Variants in LHFPL2 observed in about 807,000 individuals in gnomAD.
LHFPL2 encodes the protein LHFPL tetraspan subfamily member 2.
In LHFPL2, 7 loss-of-function variants were observed where a neutral mutation model predicts 17.5. The observed-to-expected ratio is 0.40, with a 90% CI of 0.23 to 0.75. The LOEUF is 0.75. Among genes scored for constraint, LHFPL2 ranks in the 30% least tolerant of loss-of-function variants. LHFPL2 has a pLI of 0.37. For missense variants in LHFPL2, 241 were observed against 294.8 expected, an observed-to-expected ratio of 0.82 and a Z score of 1.34; for synonymous variants, 134 against 116.2, an observed-to-expected ratio of 1.15 and a Z score of -0.99.
At chr5:78,617,427 C>T (rs953774021) in intron 2 of LHFPL2, among the ~76,000 whole-genome samples, 1 of 152,158 alleles carries the variant, frequency 6.6e-6, no homozygotes, top group African/African-American at 2.4e-5. Context: ...TATTTTTCCA[C>T]TCTCACCAGC....
At chr5:78,554,163 A>G (rs529776960) in intron 3 of LHFPL2, among the ~76,000 whole-genome samples, 1 of 152,388 alleles carries the variant, frequency 6.6e-6, no homozygotes, top group African/African-American at 2.4e-5. Context: ...ATCAGTGTTG[A>G]AAACTTACGA....
chr5:78,569,797 G>A (rs1055562102), intron 2 of LHFPL2, among the ~76,000 whole-genome samples: 17 of 152,060 alleles, frequency 1.1e-4, no homozygotes, highest in East Asian at 5.8e-4. Flanking sequence ...AAGACCTCGC[G>A]GACTCTAAGC....
chr5:78,571,517 G>C (rs1756999550), intron 2 of LHFPL2, among the ~76,000 whole-genome samples: 1 of 152,068 alleles, frequency 6.6e-6, no homozygotes, highest in South Asian at 2.1e-4. Context: ...CCTGTTTCAA[G>C]TCCATCCACT....
chr5:78,545,568 C>A (rs866947943), intron 3 of LHFPL2, among the ~76,000 whole-genome samples: 1 of 152,212 alleles, frequency 6.6e-6, no homozygotes, highest in African/African-American at 2.4e-5. Context: ...CTCCATGAGA[C>A]GAACTCACTA....
At chr5:78,571,084 G>A (rs1378912417) in intron 2 of LHFPL2, among the ~76,000 whole-genome samples, 2 of 152,128 alleles carry the variant, frequency 1.3e-5, no homozygotes, top group Non-Finnish European at 2.9e-5. Flanking sequence ...GTTCCTTCTC[G>A]CATCTTTCCT....
chr5:78,505,474 G>A (rs1754905034), intron 4 of LHFPL2, among the ~76,000 whole-genome samples: 1 of 152,132 alleles, frequency 6.6e-6, no homozygotes, highest in Admixed American at 6.5e-5. Flanking sequence ...GAAGGGGAGG[G>A]GGAGGAAGGA....
chr5:78,627,234 G>C (rs1482704672), intron 2 of LHFPL2, among the ~76,000 whole-genome samples: 1 of 152,162 alleles, frequency 6.6e-6, no homozygotes, highest in Non-Finnish European at 1.5e-5. Context: ...CAAGACTCCT[G>C]ACGAGGCAGT....
chr5:78,623,582 A>C (rs1744934002), intron 2 of LHFPL2, among the ~76,000 whole-genome samples: 1 of 152,190 alleles, frequency 6.6e-6, no homozygotes, highest in South Asian at 2.1e-4. Flanking sequence ...TCTGCACTAA[A>C]GAGTGTGCAT....
At chr5:78,614,096 C>T (rs755186923) in intron 2 of LHFPL2, among the ~76,000 whole-genome samples, 2 of 152,142 alleles carry the variant, frequency 1.3e-5, no homozygotes, top group Admixed American at 6.5e-5. Flanking sequence ...TTAAATTTGG[C>T]GCCGATGCTA....
intron 2 of LHFPL2, among the ~76,000 whole-genome samples, chr5:78,584,231 T>C (rs944294066): frequency 3.3e-5 from 5 of 152,070 alleles, no homozygotes; most frequent in Non-Finnish European, 7.4e-5. Context: ...GGTTTGAATG[T>C]CCTCCCGTAG....
intron 3 of LHFPL2, among the ~76,000 whole-genome samples, chr5:78,512,441 T>C (rs1031014344): frequency 6.6e-6 from 1 of 151,074 alleles, no homozygotes; most frequent in Admixed American, 6.6e-5. Flanking sequence ...TATATCCTAC[T>C]CCGACTCACT....
chr5:78,542,693 G>T (rs1047006722), intron 3 of LHFPL2, among the ~76,000 whole-genome samples: 9 of 152,076 alleles, frequency 5.9e-5, no homozygotes, highest in Admixed American at 1.3e-4. Context: ...CACTGAAAGG[G>T]GTCTGGTCTC....
rs148599148 is a variant in LHFPL2, at chr5:78,633,794, C to T, written c.-349-1426G>A. 2.2e-4 allele frequency among the ~76,000 whole-genome samples: 34 copies of T among 152,254 alleles called. No individual in the cohort carries two copies. In the East Asian group the frequency reaches 6.4e-3, roughly 29 times the overall value. On this transcript the variant is annotated intron_variant, in intron 1 of 4. Coordinates refer to ENST00000380345, the MANE Select transcript of LHFPL2 (RefSeq NM_005779.3). ...AAGGCCCTTCCTCTTCTCCTGGGCC[C>T]TCATCTGTTTTAGGACAGGCAAAGG... is the stretch of plus-strand genomic sequence containing the variant.
chr5:78,554,216 GC>G (rs1419286645), intron 3 of LHFPL2, among the ~76,000 whole-genome samples: 1 of 152,262 alleles, frequency 6.6e-6, no homozygotes, highest in Admixed American at 6.5e-5. Context: ...TGCACCTCAA[GC>G]CCCCGTTCCT....
At chr5:78,536,242 G>T (rs888449272) in intron 3 of LHFPL2, among the ~76,000 whole-genome samples, 1 of 152,222 alleles carries the variant, frequency 6.6e-6, no homozygotes, top group African/African-American at 2.4e-5. Context: ...GGGCTTGGCC[G>T]TGGCACTGTA....
chr5:78,539,529 G>A (rs1756045196), intron 3 of LHFPL2, among the ~76,000 whole-genome samples: 1 of 152,092 alleles, frequency 6.6e-6, no homozygotes, highest in Non-Finnish European at 1.5e-5. Flanking sequence ...CAGTTAAGGT[G>A]GTTACTGCTA....
At chr5:78,608,680 C>T (rs974744649) in intron 2 of LHFPL2, among the ~76,000 whole-genome samples, 2 of 151,848 alleles carry the variant, frequency 1.3e-5, no homozygotes, top group Non-Finnish European at 2.9e-5. Flanking sequence ...CGCCTGTAAT[C>T]CCAGCACTTT....
chr5:78,533,989 G>A (rs6872179), intron 3 of LHFPL2, among the ~76,000 whole-genome samples: 54,143 of 152,084 alleles, frequency 0.36, 10,671 homozygotes, highest in Non-Finnish European at 0.46. Context: ...AGCTTCGTGC[G>A]ACCTTCCCGG....
At chr5:78,644,384 CT>C in intron 1 of LHFPL2, 3 of 926,364 alleles carry the variant, frequency 3.2e-6, no homozygotes. Flanking sequence ...CAGCAATATC[CT>C]TTTCATATTT....
Sources: gnomAD v4.1 joint callset for allele counts (sites outside exome capture counted in the v4.1 genomes callset) on GRCh38, gnomAD v4.1.1 for gene constraint, MANE v1.5 for transcripts, NCBI Gene and HGNC (gene_info 2026-07-23, HGNC 2026-07-21) for gene names.